The following PHKA2 variants were observed in gnomAD, a reference collection of about 807,000 sequenced individuals.
The protein encoded by PHKA2 is phosphorylase kinase regulatory subunit alpha 2, also known as phosphorylase b kinase regulatory subunit alpha, liver isoform.
A neutral mutation model predicts 102.0 loss-of-function variants in PHKA2; 31 were observed. The ratio of observed to expected loss-of-function variants is 0.30; its 90% CI spans 0.23 to 0.41. The LOEUF (loss-of-function observed/expected upper bound fraction) is 0.41. PHKA2 is among the 10% of genes least tolerant of loss of function. The probability of loss-of-function intolerance (pLI) is 1.00; values close to 1 mark genes in which losing one functional copy is unlikely to be tolerated. For synonymous variants in PHKA2, 455 were observed against 416.2 expected, an observed-to-expected ratio of 1.09 and a Z score of -1.13; for missense variants, 858 against 1,023.1, an observed-to-expected ratio of 0.84 and a Z score of 2.20.
Position 18,941,743 on chromosome X carries a change from G to A in PHKA2, c.718-68C>T, listed in dbSNP as rs982648618. On this transcript the variant is annotated intron_variant, in intron 7 of 32. Coordinates refer to ENST00000379942, the MANE Select transcript of PHKA2 (RefSeq NM_000292.3). ...AATAGGCGCAGTATCTAGGGACCATGAGCTCGGCCCCAAGGGAACATTCGA... is the reference window on the plus strand; with the variant it reads ...AATAGGCGCAGTATCTAGGGACCATAAGCTCGGCCCCAAGGGAACATTCGA... The A allele has an allele frequency of 1.8e-5, 14 of 783,205 alleles. No homozygotes were observed. The African/African-American group carries it at 2.6e-4, about 15-fold the overall frequency. The allele number at this position is 783,205 out of a possible 1,213,427, so 64.5% of individuals were successfully genotyped here. A position where few individuals can be genotyped will look rare whatever the true frequency, so the allele number is the denominator to read the frequency against.
At chrX:18,965,725 G>A (rs980658800) in intron 1 of PHKA2, among the ~76,000 whole-genome samples, 3 of 111,066 alleles carry the variant, frequency 2.7e-5, no homozygotes, top group African/African-American at 9.8e-5. Context: ...TAACCCATTT[G>A]ATCAAGAACC....
At chrX:18,920,619 C>T (rs2048100551) in intron 17 of PHKA2, among the ~76,000 whole-genome samples, 1 of 112,000 alleles carries the variant, frequency 8.9e-6, no homozygotes. Context: ...TTTATGAGTC[C>T]CTACCACGAA....
chrX:18,898,742 A>C (rs1200135632), intron 29 of PHKA2, among the ~76,000 whole-genome samples: 1 of 112,488 alleles, frequency 8.9e-6, no homozygotes, highest in Non-Finnish European at 1.9e-5. Context: ...TTCAGGAGGA[A>C]GATTCAGCCT....
chrX:18,975,967 CTTT>C (rs200764030), intron 1 of PHKA2, among the ~76,000 whole-genome samples: 2 of 63,021 alleles, frequency 3.2e-5, no homozygotes, highest in African/African-American at 6.9e-5. Flanking sequence ...AAGTCAAATT[CTTT>C]TTTTTTTTTT....
intron 26 of PHKA2, among the ~76,000 whole-genome samples, chrX:18,905,450 C>T (rs2047791500): frequency 8.9e-6 from 1 of 111,955 alleles, no homozygotes; most frequent in African/African-American, 3.2e-5. Context: ...GCTGGGATTA[C>T]AGGCGTTAGC....
chrX:18,945,554 A>G (rs1438951614), intron 5 of PHKA2, among the ~76,000 whole-genome samples: 1 of 112,470 alleles, frequency 8.9e-6, no homozygotes, highest in Non-Finnish European at 1.9e-5. Context: ...ACTTTAGCAC[A>G]TGGGTCATAA....
chrX:18,904,511 T>C (rs1195612438), intron 26 of PHKA2, among the ~76,000 whole-genome samples: 2 of 112,633 alleles, frequency 1.8e-5, no homozygotes, highest in Non-Finnish European at 3.7e-5. Context: ...TAATGACAAA[T>C]TTTTAGTAAT....
Position 18,926,460 on chromosome X carries a change from G to A in PHKA2, c.1452C>T (p.Ala484=). The A allele has an allele frequency of 8.3e-7, 1 of 1,203,429 alleles. No homozygotes were observed. The part of the protein sequence containing the change: ...QPGRILSHIY[A]KLGRNKNMNL... ...TAATTTCCCCAAACCTACCAAGCTT[G>A]GCATATATGTGACTAAGAATCCGGC... The change falls in exon 14 of 33, where the codon GCC becomes GCT. Residue 484 remains alanine, a synonymous_variant. Transcript: ENST00000379942.
At chrX:18,925,954 G>A (rs1371185913) in intron 14 of PHKA2, among the ~76,000 whole-genome samples, 177 bp from the exon 15 acceptor site, 3 of 111,232 alleles carry the variant, frequency 2.7e-5, no homozygotes, top group Non-Finnish European at 3.8e-5. Context: ...AACAAATCCC[G>A]CCCCCTTCTT....
intron 5 of PHKA2, among the ~76,000 whole-genome samples, chrX:18,947,431 C>A (rs889576642): frequency 3.6e-5 from 4 of 112,209 alleles, no homozygotes; most frequent in Non-Finnish European, 7.5e-5. Flanking sequence ...TTATACTCAG[C>A]AAATCTGGCC....
intron 9 of PHKA2, 141 bp downstream of exon 9, chrX:18,939,854 C>T: frequency 1.8e-6 from 1 of 556,734 alleles, no homozygotes; most frequent in Non-Finnish European, 3.2e-6. Flanking sequence ...TTGCCTGGCT[C>T]CAGGCTTGCT....
At chrX:18,907,397 TTGAG>T (rs1170994156) in intron 22 of PHKA2, among the ~76,000 whole-genome samples, 1 of 112,282 alleles carries the variant, frequency 8.9e-6, no homozygotes, top group Non-Finnish European at 1.9e-5. Flanking sequence ...CTCCCTGCTA[TTGAG>T]TGAGACAGGG....
intron 6 of PHKA2, 63 bp downstream of exon 6, chrX:18,945,015 G>A (rs961861338): frequency 2.7e-6 from 2 of 728,062 alleles, no homozygotes; most frequent in Non-Finnish European, 4.4e-6. Context: ...AACTCCTGAT[G>A]AAGGGAACCA....
At chrX:18,938,525 G>A (rs1406578047) in intron 10 of PHKA2, 102 bp downstream of exon 10, 10 of 873,777 alleles carry the variant, frequency 1.1e-5, no homozygotes, top group Middle Eastern at 2.8e-4. Flanking sequence ...ACAGATAACC[G>A]AAACAGTGAC....
chrX:18,910,458 G>A (rs186672820), intron 20 of PHKA2, among the ~76,000 whole-genome samples: 3 of 111,830 alleles, frequency 2.7e-5, no homozygotes, highest in East Asian at 5.6e-4. Context: ...CAGCCTGGGT[G>A]ACAGAGCGAG....
chrX:18,909,475 GAGGGGT>G (rs1227278007), intron 20 of PHKA2, among the ~76,000 whole-genome samples: 1 of 112,157 alleles, frequency 8.9e-6, no homozygotes, highest in African/African-American at 3.2e-5. Context: ...ATGCCTCTGG[GAGGGGT>G]ACACTCCTAG....
chrX:18,967,676 T>TAAA lies in PHKA2; in HGVS notation c.79-13267_79-13265dup, dbSNP rs199696104. Among the ~76,000 whole-genome samples the TAAA allele has an allele frequency of 3.8e-4, 34 of 89,070 alleles. 1 individual carries two copies. Among genetic ancestry groups the TAAA allele is most frequent in the African/African-American group, 1.3e-3 (32 of 24,075 alleles). The allele number at this position is 89,070 out of a possible 115,157, so 77.3% of individuals were successfully genotyped here. On this transcript the variant is annotated intron_variant, in intron 1 of 32. Coordinates refer to ENST00000379942, the MANE Select transcript of PHKA2 (RefSeq NM_000292.3). ...ACACTATGTTTAATATAGCCTTATT[T>TAAA]AAAAAAAAAAAAAGCCTCAAACATA... is the stretch of plus-strand genomic sequence containing the variant.
chrX:18,978,213 CGTT>C (rs1446138713), intron 1 of PHKA2, among the ~76,000 whole-genome samples: 1 of 110,886 alleles, frequency 9.0e-6, no homozygotes, highest in East Asian at 2.8e-4. Context: ...CATTTATACT[CGTT>C]GTGACAGGTG....
intron 1 of PHKA2, among the ~76,000 whole-genome samples, chrX:18,956,197 G>A (rs1282277963): frequency 2.7e-5 from 3 of 111,195 alleles, no homozygotes; most frequent in Non-Finnish European, 3.8e-5. Flanking sequence ...GGTGGTGCGC[G>A]CCTATAGTCC....
Sources: allele counts gnomAD v4.1 joint callset (sites outside exome capture counted in the v4.1 genomes callset), GRCh38; gene constraint gnomAD v4.1.1; transcripts MANE v1.5; gene names NCBI Gene and HGNC (gene_info 2026-07-23, HGNC 2026-07-21).